Variants in EVC2 observed in about 807,000 individuals in gnomAD.
EVC2 encodes limbin.
EVC2 carries 148 observed loss-of-function variants against 149.3 expected under a neutral mutation model. The observed-to-expected ratio is 0.99, with a 90% CI of 0.87 to 1.14. The LOEUF (loss-of-function observed/expected upper bound fraction) is 1.14. EVC2 is among the 50% of genes most tolerant of loss of function. EVC2 has a pLI of 0.00. For synonymous variants in EVC2, 776 were observed against 649.9 expected (o/e 1.19, Z -2.95); for missense variants, 1,854 against 1,627.3 (o/e 1.14, Z -2.40).
chr4:5,665,459 G>T lies in EVC2; in HGVS notation c.1005+56C>A. ...AGGGCTGAGACCCACAGAACTGGGG[G>T]ATGAACTTCAACCTCACATTCACCA... is the stretch of plus-strand genomic sequence containing the variant. On this transcript the variant is annotated intron_variant, in intron 8 of 21. Transcript: ENST00000344408. 3.1e-6 allele frequency: 5 copies of T among 1,612,368 alleles called. No individual in the cohort carries two copies. The South Asian group carries it at 4.4e-5, about 14-fold the overall frequency.
At chr4:5,572,833 G>A (rs1462918502) in intron 19 of EVC2, among the ~76,000 whole-genome samples, 28 of 152,134 alleles carry the variant, frequency 1.8e-4, no homozygotes, top group Non-Finnish European at 2.6e-4. Flanking sequence ...GTGGGAGATG[G>A]CTCAGTTACG....
intron 16 of EVC2, among the ~76,000 whole-genome samples, chr4:5,595,407 C>T (rs1293423718): frequency 2.0e-5 from 3 of 152,130 alleles, no homozygotes; most frequent in African/African-American, 7.2e-5. Flanking sequence ...GAGTGGGGGC[C>T]AATATTCAAC....
chr4:5,650,622 TATATATATATATATATAGAGAG>T (rs1361186209), intron 9 of EVC2, among the ~76,000 whole-genome samples: 7 of 86,506 alleles, frequency 8.1e-5, no homozygotes, highest in African/African-American at 2.4e-4. Context: ...TATATATATA[TATATATATATATATATAGAGAG>T]AGAGAGAGAG....
intron 1 of EVC2, among the ~76,000 whole-genome samples, chr4:5,704,406 G>A (rs1247764507): frequency 6.6e-6 from 1 of 152,124 alleles, no homozygotes; most frequent in Non-Finnish European, 1.5e-5. Context: ...TGACAGGAAG[G>A]GAGGCAAGGG....
At chr4:5,703,647 C>T (rs1369311091) in intron 1 of EVC2, among the ~76,000 whole-genome samples, 2 of 152,110 alleles carry the variant, frequency 1.3e-5, no homozygotes, top group Admixed American at 1.3e-4. Context: ...TTTTGATCAC[C>T]TACTATGTGC....
chr4:5,602,997 C>T (rs1194237632), intron 16 of EVC2, among the ~76,000 whole-genome samples: 1 of 152,104 alleles, frequency 6.6e-6, no homozygotes, highest in African/African-American at 2.4e-5. Flanking sequence ...CTTCTTTCAG[C>T]AGAAGCCTTG....
intron 10 of EVC2, among the ~76,000 whole-genome samples, 176 bp from the exon 11 acceptor site, chr4:5,632,208 CAT>C (rs1488583279): frequency 1.3e-5 from 2 of 152,256 alleles, no homozygotes; most frequent in Non-Finnish European, 2.9e-5. Context: ...TGTGCATGCA[CAT>C]GTGTGCACAG....
At chr4:5,652,427 G>C (rs761897569) in intron 9 of EVC2, among the ~76,000 whole-genome samples, 5 of 152,238 alleles carry the variant, frequency 3.3e-5, no homozygotes, top group Non-Finnish European at 7.3e-5. Flanking sequence ...CTGAGATGGA[G>C]AACTGCATGT....
chr4:5,622,752 C>T lies in EVC2; in HGVS notation c.2286G>A (p.Glu762=). ...RRLQNSAMTQ[E]LLKRGVPWLF... ...GCCAGGGCACCCCACGCTTGAGCAG[C>T]TCCTGGGTCATGGCTGAGTTCTGCA... Residue 762 remains glutamate, a synonymous_variant, in exon 14 of 22, where the codon GAG becomes GAA. Transcript: ENST00000344408. The surrounding 1 kb of genome is among the most constrained non-coding windows in gnomAD (Gnocchi z 5.8). The T allele has an allele frequency of 6.2e-7, 1 of 1,614,114 alleles. No homozygotes were observed. Among genetic ancestry groups the T allele is most frequent in the South Asian group, 1.1e-5 (1 of 91,076 alleles).
rs1337522703 is a variant in EVC2, at chr4:5,574,668, TG to T, written c.3360+16del. On this transcript the variant is annotated intron_variant, in intron 19 of 21. Coordinates refer to ENST00000344408, the MANE Select transcript of EVC2 (RefSeq NM_147127.5). ...GCTGGCAAGGGGTGGCCTCAGACCCTGCCAGTACCTTCTCACCTGGCTGCAC... is the reference window on the plus strand; with the variant it reads ...GCTGGCAAGGGGTGGCCTCAGACCCTCCAGTACCTTCTCACCTGGCTGCAC... The T allele has an allele frequency of 6.2e-7, 1 of 1,613,354 alleles. No individual in the cohort carries two copies. The highest frequency in any genetic ancestry group is 1.3e-5 in the African/African-American group (1 of 74,930).
rs552122439 is a variant in EVC2, at chr4:5,587,767, G to A, written c.2830-2917C>T. 9.7e-4 allele frequency among the ~76,000 whole-genome samples: 147 copies of A among 152,270 alleles called. 2 individuals are homozygous for A. The highest frequency in any genetic ancestry group is 1.9e-3 in the South Asian group (9 of 4,814). On this transcript the variant is annotated intron_variant, in intron 16 of 21. Coordinates refer to ENST00000344408, the MANE Select transcript of EVC2 (RefSeq NM_147127.5). ...GAGAGGGTCGTGATTGAGCAAGCAG[G>A]GGTACGTGACTGGGGGCTGCATACA...
intron 16 of EVC2, among the ~76,000 whole-genome samples, chr4:5,586,650 C>A (rs111549173): frequency 0.031 from 3,590 of 114,984 alleles, 58 homozygotes; most frequent in Non-Finnish European, 0.051. Context: ...GTCTCCACAA[C>A]CCCCTTAGTG....
intron 16 of EVC2, among the ~76,000 whole-genome samples, chr4:5,588,110 G>GT (rs1183746561): frequency 6.6e-6 from 1 of 152,042 alleles, no homozygotes; most frequent in Non-Finnish European, 1.5e-5. Context: ...TTTCAGCATT[G>GT]TAAGTCTAAA....
intron 21 of EVC2, 32 bp downstream of exon 21, chr4:5,565,226 C>A (rs754758056): frequency 1.2e-6 from 2 of 1,607,514 alleles, no homozygotes; most frequent in Non-Finnish European, 8.5e-7. Flanking sequence ...CTCACCCCCT[C>A]CCCAGCCACA....
chr4:5,540,388 G>A (rs898698934), downstream of EVC2, among the ~76,000 whole-genome samples: 6 of 152,226 alleles, frequency 3.9e-5, no homozygotes, highest in African/African-American at 1.2e-4. Context: ...AACGTTTGCA[G>A]CAGGTTTATT....
At chr4:5,591,306 G>A (rs1712772300) in intron 16 of EVC2, among the ~76,000 whole-genome samples, 1 of 152,156 alleles carries the variant, frequency 6.6e-6, no homozygotes, top group Admixed American at 6.6e-5. Flanking sequence ...CGTCAGAAGG[G>A]CCACCCTGCA....
intron 12 of EVC2, among the ~76,000 whole-genome samples, chr4:5,626,420 G>A (rs1015688628): frequency 7.0e-6 from 1 of 143,598 alleles, no homozygotes; most frequent in African/African-American, 2.6e-5. Flanking sequence ...TGCAACCTCC[G>A]CCCCTCCAAC....
At chr4:5,693,758 C>T (rs899034559) in intron 3 of EVC2, among the ~76,000 whole-genome samples, 2 of 152,314 alleles carry the variant, frequency 1.3e-5, no homozygotes, top group East Asian at 1.9e-4. Flanking sequence ...TCTCGTACTA[C>T]GTTAAGTCAC....
chr4:5,658,704 C>T (rs917263421), intron 9 of EVC2, among the ~76,000 whole-genome samples: 5 of 152,234 alleles, frequency 3.3e-5, no homozygotes, highest in African/African-American at 1.2e-4. Flanking sequence ...TGAAAACACT[C>T]AGGCCTAAGC....
Sources: allele counts gnomAD v4.1 joint callset (sites outside exome capture counted in the v4.1 genomes callset), GRCh38; gene constraint gnomAD v4.1.1; non-coding constraint Gnocchi (gnomAD v3.1); transcripts MANE v1.5; gene names NCBI Gene and HGNC (gene_info 2026-07-23, HGNC 2026-07-21).